The following SLC12A1 variants were observed in gnomAD, a reference collection of about 807,000 sequenced individuals.
SLC12A1 encodes the protein solute carrier family 12 member 1.
A neutral mutation model predicts 130.4 loss-of-function variants in SLC12A1; 89 were observed. The ratio of observed to expected loss-of-function variants is 0.68; its 90% CI spans 0.58 to 0.81. SLC12A1 has a LOEUF of 0.81. Among genes scored for constraint, SLC12A1 ranks in the 40% least tolerant of loss-of-function variants. The pLI is 0.00. For missense variants in SLC12A1, 1,310 were observed against 1,336.4 expected (o/e 0.98, Z 0.31); for synonymous variants, 499 against 460.0 (o/e 1.08, Z -1.09).
Position 48,299,173 on chromosome 15 carries a change from T to A in SLC12A1, c.2994T>A (p.Tyr998Ter). The change falls in exon 25 of 27, where the codon TAT becomes TAA. Residue 998 changes from tyrosine to a stop codon, truncating the protein, a stop_gained. Transcript: ENST00000380993. LOFTEE classifies it high-confidence loss of function. ...TCTTTGAAGAGATGATTGAACCATA[T>A]CGTCTCCATGAAAGCTGCAAAGATT... ...WKVFEEMIEP[Y>*]RLHESCKDLT... The A allele has an allele frequency of 6.2e-7, 1 of 1,607,166 alleles. No individual in the cohort carries two copies. The highest frequency in any genetic ancestry group is 1.1e-5 in the South Asian group (1 of 88,782).
At chr15:48,210,440 C>T (rs903295931) in intron 2 of SLC12A1, among the ~76,000 whole-genome samples, 4 of 152,102 alleles carry the variant, frequency 2.6e-5, no homozygotes, top group African/African-American at 9.7e-5. Flanking sequence ...GATAAATTCA[C>T]ATTGTTCTTA....
chr15:48,241,608 T>C lies in SLC12A1; in HGVS notation c.1300+9T>C, dbSNP rs1179837821. On this transcript the variant is annotated intron_variant, in intron 10 of 26. Transcript: ENST00000380993. Reference sequence around the variant, plus strand: ...GGTTGCAATTTGTGTAGGTAAGTGGTACGTCTCCAGTGTCAGAATGTCAGA... The same window carrying C: ...GGTTGCAATTTGTGTAGGTAAGTGGCACGTCTCCAGTGTCAGAATGTCAGA... 3 of 1,598,930 alleles carry C rather than the reference T, an allele frequency of 1.9e-6. No homozygotes were observed. Among genetic ancestry groups the C allele is most frequent in the Non-Finnish European group, 2.6e-6 (3 of 1,166,178 alleles).
intron 16 of SLC12A1, among the ~76,000 whole-genome samples, chr15:48,258,386 A>AAAAAAG (rs71120612): frequency 5.3e-5 from 8 of 151,070 alleles, no homozygotes; most frequent in Non-Finnish European, 7.4e-5. Flanking sequence ...AAAAAAAAAA[A>AAAAAAG]GAGTGACCTT....
intron 19 of SLC12A1, among the ~76,000 whole-genome samples, 184 bp from the exon 20 acceptor site, chr15:48,274,387 T>C (rs1467956536): frequency 1.3e-5 from 2 of 152,202 alleles, no homozygotes; most frequent in East Asian, 3.8e-4. Flanking sequence ...ACCCAAAATA[T>C]ACTTTAAAAA....
intron 2 of SLC12A1, among the ~76,000 whole-genome samples, chr15:48,214,238 G>A (rs1440382999): frequency 1.3e-5 from 2 of 151,978 alleles, no homozygotes; most frequent in Non-Finnish European, 2.9e-5. Flanking sequence ...CCAGTTCCCC[G>A]GGGAGCTCAC....
chr15:48,247,842 C>T (rs943744780), intron 13 of SLC12A1, among the ~76,000 whole-genome samples: 1 of 152,158 alleles, frequency 6.6e-6, no homozygotes, highest in Non-Finnish European at 1.5e-5. Flanking sequence ...CCATCTATAT[C>T]GCAATCACCT....
intron 23 of SLC12A1, among the ~76,000 whole-genome samples, chr15:48,289,341 T>C (rs2042093218): frequency 6.8e-6 from 1 of 148,088 alleles, no homozygotes; most frequent in Non-Finnish European, 1.5e-5. Context: ...CTTTATTCAG[T>C]AATTTTTAAC....
rs1243820410 is a variant in SLC12A1, at chr15:48,250,351, A to AT, written c.1786+677dup. Among the ~76,000 whole-genome samples, 13 of 152,322 alleles carry AT rather than the reference A, an allele frequency of 8.5e-5. No homozygotes were observed. In the South Asian group the frequency reaches 2.5e-3, roughly 29 times the overall value. ...CGGATATATAAACACATTTCCACTC[A>AT]TTGAGGGCCTGACAAGATATTAAGC... On this transcript the variant is annotated intron_variant, in intron 14 of 26. Transcript: ENST00000380993.
At position 48,246,913 on chromosome 15, in the gene SLC12A1, T is replaced by C. The variant is rs751371525; in HGVS notation, c.1457T>C (p.Met486Thr). The C allele has an allele frequency of 1.9e-6, 3 of 1,611,994 alleles. No homozygotes were observed. Among genetic ancestry groups the C allele is most frequent in the Non-Finnish European group, 2.5e-6 (3 of 1,178,138 alleles). The change falls in exon 12 of 27, where the codon ATG (methionine) becomes ACG (threonine). Residue 486 changes from methionine (M) to threonine (T), a missense_variant. Transcript: ENST00000380993. Reference protein sequence around the residue: ...QYGLMNNFQVMSMVSGFGPLI... With the variant: ...QYGLMNNFQVTSMVSGFGPLI... The stretch of plus-strand genomic sequence containing the variant: ...ACTTGTACCTCTCTTCTCAAGGTCA[T>C]GAGCATGGTATCAGGGTTCGGCCCC...
At chr15:48,274,421 C>A (rs2041928962) in intron 19 of SLC12A1, 150 bp from the exon 20 acceptor site, 1 of 627,034 alleles carries the variant, frequency 1.6e-6, no homozygotes, top group Non-Finnish European at 2.9e-6. Flanking sequence ...AACAAACAAA[C>A]AAACAAATGC....
chr15:48,263,701 T>G (rs2041800624), intron 17 of SLC12A1, among the ~76,000 whole-genome samples: 1 of 152,006 alleles, frequency 6.6e-6, no homozygotes, highest in African/African-American at 2.4e-5. Flanking sequence ...ATTTATTTAT[T>G]TATTTATTTG....
chr15:48,265,588 T>C (rs2041823790), intron 17 of SLC12A1, among the ~76,000 whole-genome samples: 2 of 152,224 alleles, frequency 1.3e-5, no homozygotes, highest in African/African-American at 2.4e-5. Flanking sequence ...ATATCTTTCC[T>C]TAGACTAGGT....
intron 10 of SLC12A1, among the ~76,000 whole-genome samples, chr15:48,244,051 C>T (rs1211533038): frequency 6.6e-6 from 1 of 152,030 alleles, no homozygotes; most frequent in Non-Finnish European, 1.5e-5. Flanking sequence ...AGAATCTATC[C>T]TAGAAGAAAA....
intron 25 of SLC12A1, 140 bp downstream of exon 25, chr15:48,299,415 GC>G (rs1214270908): frequency 6.4e-6 from 5 of 775,970 alleles, no homozygotes; most frequent in Non-Finnish European, 9.5e-6. Context: ...TTTTTCAAGT[GC>G]TTTTCAATCA....
At chr15:48,259,507 C>T (rs1054430974) in intron 17 of SLC12A1, among the ~76,000 whole-genome samples, 196 bp downstream of exon 17, 16 of 152,148 alleles carry the variant, frequency 1.1e-4, no homozygotes, top group Admixed American at 7.2e-4. Context: ...AGATGTAAAG[C>T]GTTTCAGATT....
Position 48,303,727 on chromosome 15 carries a change from T to C in SLC12A1, c.*842T>C, listed in dbSNP as rs2042258788. 1 of 152,228 alleles carries C rather than the reference T, an allele frequency of 6.6e-6. No homozygotes were observed. The highest frequency in any genetic ancestry group is 2.4e-5 in the African/African-American group (1 of 41,462). 9.4% of individuals were successfully genotyped at this position (152,228 alleles called of 1,614,324 possible). ...TTTCTAATTAAATGGTTAGTACAGA[T>C]GAAATCTTTATAGATGACTACTTGA... is the stretch of plus-strand genomic sequence containing the variant. On this transcript the variant is annotated 3_prime_UTR_variant, in exon 27 of 27. Coordinates refer to ENST00000380993, the MANE Select transcript of SLC12A1 (RefSeq NM_000338.3).
At chr15:48,284,650 T>C (rs2042038899) in intron 20 of SLC12A1, among the ~76,000 whole-genome samples, 1 of 152,224 alleles carries the variant, frequency 6.6e-6, no homozygotes, top group Non-Finnish European at 1.5e-5. Context: ...TTTTTCTCTT[T>C]TCTTTTGGAG....
chr15:48,254,592 T>TAAAAAAAAAAAAAAAAAAAAAAAA (rs550686114), intron 15 of SLC12A1, among the ~76,000 whole-genome samples: 2 of 52,862 alleles, frequency 3.8e-5, no homozygotes, highest in Non-Finnish European at 8.5e-5. Context: ...CTTAAATTCG[T>TAAAAAAAAAAAAAAAAAAAAAAAA]AAAAAAAAAA....
At chr15:48,230,621 T>G (rs1282623786) in intron 7 of SLC12A1, 118 bp downstream of exon 7, 1 of 707,436 alleles carries the variant, frequency 1.4e-6, no homozygotes, top group Non-Finnish European at 2.5e-6. Context: ...TATGGTGAAA[T>G]GAGCAGGCAA....
Sources: gnomAD v4.1 joint callset for allele counts (sites outside exome capture counted in the v4.1 genomes callset) on GRCh38, gnomAD v4.1.1 for gene constraint, MANE v1.5 for transcripts, NCBI Gene and HGNC (gene_info 2026-07-23, HGNC 2026-07-21) for gene names.